The following GLI3 variants were observed in gnomAD, a reference collection of about 807,000 sequenced individuals.
GLI3 encodes GLI family zinc finger 3.
Under a neutral mutation model 100.8 loss-of-function variants are expected in GLI3, and 20 were observed. The observed-to-expected ratio is 0.20, with a 90% CI of 0.14 to 0.29. The LOEUF is 0.29. Among genes scored for constraint, GLI3 ranks in the 10% least tolerant of loss-of-function variants. The probability of loss-of-function intolerance (pLI) is 1.00; values close to 1 mark genes in which losing one functional copy is unlikely to be tolerated. For synonymous variants in GLI3, 938 were observed against 860.5 expected (o/e 1.09, Z -1.58); for missense variants, 2,040 against 2,128.5 (o/e 0.96, Z 0.82).
At chr7:42,085,719 T>G (rs1174044014) in intron 3 of GLI3, among the ~76,000 whole-genome samples, 1 of 152,128 alleles carries the variant, frequency 6.6e-6, no homozygotes, top group Non-Finnish European at 1.5e-5. Flanking sequence ...AATCCTGCTT[T>G]GGAGGCGGCA....
intron 2 of GLI3, among the ~76,000 whole-genome samples, chr7:42,197,917 T>C (rs917593314): frequency 1.3e-5 from 2 of 152,178 alleles, no homozygotes; most frequent in Non-Finnish European, 2.9e-5. Flanking sequence ...TGAATCAGAC[T>C]GGAGGCAGGG....
intron 3 of GLI3, among the ~76,000 whole-genome samples, chr7:42,135,766 T>C (rs1046634399): frequency 6.6e-6 from 1 of 152,224 alleles, no homozygotes; most frequent in African/African-American, 2.4e-5. Flanking sequence ...TAAGATTCTT[T>C]TAGTTTATCT....
intron 10 of GLI3, among the ~76,000 whole-genome samples, chr7:42,014,672 T>C (rs1788706479): frequency 6.6e-6 from 1 of 152,182 alleles, no homozygotes; most frequent in Non-Finnish European, 1.5e-5. Flanking sequence ...ATTTTCCCAC[T>C]GTCCTGCTTG....
intron 10 of GLI3, among the ~76,000 whole-genome samples, chr7:41,996,134 A>C (rs1468526482): frequency 6.6e-6 from 1 of 152,164 alleles, no homozygotes; most frequent in African/African-American, 2.4e-5. Flanking sequence ...TAGAAAATTT[A>C]TTTTTGGTGG....
intron 10 of GLI3, among the ~76,000 whole-genome samples, chr7:42,013,749 C>G (rs985572471): frequency 6.6e-6 from 1 of 152,118 alleles, no homozygotes; most frequent in African/African-American, 2.4e-5. Context: ...CTAACTGGCT[C>G]TAAAAACTTG....
At chr7:42,162,789 C>A (rs942724927) in intron 2 of GLI3, among the ~76,000 whole-genome samples, 3 of 152,000 alleles carry the variant, frequency 2.0e-5, no homozygotes, top group African/African-American at 7.3e-5. Flanking sequence ...TATTAGCAAC[C>A]ACTGCAACTT....
chr7:42,004,836 G>A (rs573364472), intron 10 of GLI3, among the ~76,000 whole-genome samples: 23 of 152,184 alleles, frequency 1.5e-4, no homozygotes, highest in African/African-American at 4.6e-4. Context: ...TAACATTCCA[G>A]GCAAAATCCG....
intron 3 of GLI3, among the ~76,000 whole-genome samples, chr7:42,124,963 G>T (rs1233755303): frequency 5.3e-5 from 8 of 152,154 alleles, no homozygotes; most frequent in African/African-American, 1.9e-4. Context: ...TATGCAGATA[G>T]ATATTTCATA....
chr7:42,041,585 A>C (rs1784138802), intron 6 of GLI3, among the ~76,000 whole-genome samples: 1 of 152,216 alleles, frequency 6.6e-6, no homozygotes, highest in Admixed American at 6.5e-5. Flanking sequence ...ACCAGTTTAT[A>C]GGAAAATGGC....
chr7:42,062,139 C>T (rs1054864490), intron 4 of GLI3, among the ~76,000 whole-genome samples: 4 of 152,148 alleles, frequency 2.6e-5, no homozygotes, highest in Admixed American at 6.6e-5. Flanking sequence ...ACTGTTTCAT[C>T]TGTCAAATGA....
rs536883400 is a variant in GLI3 at position 41,972,769 on chromosome 7, A to G, written c.1813-142T>C. ...GGCTTTGAGGTGTTCAGATACCTCT[A>G]GGAACTAATAGTTTAATAAGGCCAT... On this transcript the variant is annotated intron_variant, in intron 12 of 14. Coordinates refer to ENST00000395925, the MANE Select transcript of GLI3 (RefSeq NM_000168.6). The surrounding 1 kb of genome is among the most constrained non-coding windows in gnomAD (Gnocchi z 4.4). 5.0e-5 allele frequency: 35 copies of G among 704,024 alleles called. No homozygotes were observed. Among genetic ancestry groups the G allele is most frequent in the African/African-American group, 3.7e-4 (21 of 56,842 alleles). 43.6% of individuals were successfully genotyped at this position (704,024 alleles called of 1,614,324 possible).
intron 7 of GLI3, 137 bp downstream of exon 7, chr7:42,039,901 C>T: frequency 1.4e-6 from 1 of 718,056 alleles, no homozygotes; most frequent in Non-Finnish European, 2.5e-6. Flanking sequence ...TTTGACCTGC[C>T]TCTTGGTATA....
chr7:42,110,020 T>C (rs1430753166), intron 3 of GLI3, among the ~76,000 whole-genome samples: 3 of 152,170 alleles, frequency 2.0e-5, no homozygotes, highest in African/African-American at 7.2e-5. Context: ...AATATGCATA[T>C]CTTTCTTATA....
At position 42,262,718 on chromosome 7, in the gene GLI3, G is replaced by T. The variant is rs549215707; in HGVS notation, c.-43+1276C>A. Among the ~76,000 whole-genome samples the T allele has an allele frequency of 5.9e-5, 9 of 152,248 alleles. No individual in the cohort carries two copies. The South Asian group carries it at 1.9e-3, about 32-fold the overall frequency. On this transcript the variant is annotated intron_variant, in intron 1 of 2. Coordinates refer to the GLI3 transcript ENST00000678978. ...TAAAGAAACTCACACTTTGGAAATG[G>T]TCCTTATTTATCAGCCCAAATACCT...
intron 2 of GLI3, among the ~76,000 whole-genome samples, chr7:42,215,080 C>A (rs1788348308): frequency 6.6e-6 from 1 of 152,058 alleles, no homozygotes; most frequent in South Asian, 2.1e-4. Context: ...CATCAAGCAG[C>A]TACTGAAGTT....
chr7:42,031,748 G>C (rs1789302126), intron 7 of GLI3, among the ~76,000 whole-genome samples: 1 of 152,138 alleles, frequency 6.6e-6, no homozygotes, highest in South Asian at 2.1e-4. Flanking sequence ...AGTTTGAAAG[G>C]GCATTCCACT....
intron 10 of GLI3, among the ~76,000 whole-genome samples, chr7:42,018,938 A>G (rs1788851082): frequency 6.6e-6 from 1 of 152,194 alleles, no homozygotes; most frequent in African/African-American, 2.4e-5. Context: ...AACATCCCCC[A>G]GTGCGATTGC....
At chr7:42,100,542 C>T (rs1010420931) in intron 3 of GLI3, among the ~76,000 whole-genome samples, 1 of 151,374 alleles carries the variant, frequency 6.6e-6, no homozygotes, top group African/African-American at 2.4e-5. Flanking sequence ...TTCAGACTAA[C>T]CTCTGCAACA....
intron 1 of GLI3, among the ~76,000 whole-genome samples, chr7:42,234,445 C>T (rs992289995): frequency 2.0e-5 from 3 of 152,156 alleles, no homozygotes; most frequent in Admixed American, 2.0e-4. Flanking sequence ...TTTAGGCTTG[C>T]ACATCGAATT....
Sources: gnomAD v4.1 joint callset for allele counts (sites outside exome capture counted in the v4.1 genomes callset) on GRCh38, gnomAD v4.1.1 for gene constraint, Gnocchi (gnomAD v3.1) non-coding constraint, MANE v1.5 for transcripts, NCBI Gene and HGNC (gene_info 2026-07-23, HGNC 2026-07-21) for gene names.